BMAL2: variants seen among roughly 807,000 people sequenced by gnomAD.
BMAL2 encodes basic helix-loop-helix ARNT like 2, also known as basic helix-loop-helix ARNT-like protein 2.
chr12:27,380,907 GC>G, the BMAL2 span, among the ~76,000 whole-genome samples: 1 of 151,896 alleles, frequency 6.6e-6, no homozygotes, highest in African/African-American at 2.4e-5. Context: ...GATCGCTTGA[GC>G]CTGGGAGGTG....
At chr12:27,349,188 G>A in the BMAL2 span, among the ~76,000 whole-genome samples, 2 of 152,162 alleles carry the variant, frequency 1.3e-5, no homozygotes, top group Admixed American at 6.5e-5. Context: ...AGGCTGATGG[G>A]GATGCCTCGT....
the BMAL2 span, among the ~76,000 whole-genome samples, chr12:27,406,145 T>G: frequency 6.6e-6 from 1 of 152,112 alleles, no homozygotes; most frequent in Non-Finnish European, 1.5e-5. Flanking sequence ...ACGGGGAGGA[T>G]GGAACCAAGT....
the BMAL2 span, chr12:27,401,460 T>A: frequency 1.6e-5 from 24 of 1,539,562 alleles, no homozygotes; most frequent in Middle Eastern, 1.8e-4. Flanking sequence ...TTTGAATTAA[T>A]CTTCACAACA....
the BMAL2 span, chr12:27,401,725 T>G: frequency 1.5e-6 from 2 of 1,341,412 alleles, no homozygotes; most frequent in African/African-American, 1.5e-5. Flanking sequence ...AATGAGTCTC[T>G]TTGCTTTTCT....
At chr12:27,383,528 C>T in the BMAL2 span, among the ~76,000 whole-genome samples, 4 of 152,154 alleles carry the variant, frequency 2.6e-5, no homozygotes, top group Non-Finnish European at 4.4e-5. Context: ...CATTTTCTCT[C>T]GAGCACATCC....
the BMAL2 span, among the ~76,000 whole-genome samples, chr12:27,358,469 T>C: frequency 6.3e-4 from 96 of 152,302 alleles, 1 homozygote; most frequent in South Asian, 0.019. Context: ...ACAACCACTA[T>C]AGGAAACTGG....
the BMAL2 span, among the ~76,000 whole-genome samples, chr12:27,376,970 C>T: frequency 1.5e-5 from 2 of 132,436 alleles, no homozygotes; most frequent in Admixed American, 8.5e-5. Flanking sequence ...CACTGCACTC[C>T]AGCCTGGGCG....
the BMAL2 span, among the ~76,000 whole-genome samples, chr12:27,420,014 C>T: frequency 4.3e-5 from 5 of 116,120 alleles, no homozygotes; most frequent in Admixed American, 1.0e-4. Flanking sequence ...CCAGGGTTTG[C>T]GCGTGCACAC....
chr12:27,343,912 G>A, the BMAL2 span, among the ~76,000 whole-genome samples: 1 of 152,182 alleles, frequency 6.6e-6, no homozygotes, highest in Non-Finnish European at 1.5e-5. Context: ...GTCATCATGA[G>A]TGTTTCTCCT....
the BMAL2 span, among the ~76,000 whole-genome samples, chr12:27,409,165 C>G: frequency 2.0e-5 from 3 of 152,142 alleles, no homozygotes; most frequent in Non-Finnish European, 4.4e-5. Context: ...AATGGCCATA[C>G]TGCCCAAGGT....
chr12:27,370,186 T>C, the BMAL2 span: 4 of 1,614,078 alleles, frequency 2.5e-6, no homozygotes, highest in Non-Finnish European at 3.4e-6. Context: ...CCCTTACCTA[T>C]CTTCTTTCAA....
chr12:27,389,095 CA>C, the BMAL2 span: 1 of 937,366 alleles, frequency 1.1e-6, no homozygotes, highest in Non-Finnish European at 1.7e-6. Context: ...AATCAAAAAT[CA>C]AAAAAGAACA....
At chr12:27,362,803 TTTGTTG>T in the BMAL2 span, among the ~76,000 whole-genome samples, 5 of 152,116 alleles carry the variant, frequency 3.3e-5, no homozygotes, top group African/African-American at 1.2e-4. Context: ...ATTATCGGTT[TTTGTTG>T]TTGTTGTTGT....
chr12:27,405,565 CAGAA>C, the BMAL2 span, among the ~76,000 whole-genome samples: 1 of 152,228 alleles, frequency 6.6e-6, no homozygotes, highest in African/African-American at 2.4e-5. Flanking sequence ...AACTAACAAA[CAGAA>C]AGGACATCCA....
At chr12:27,392,613 T>G in the BMAL2 span, among the ~76,000 whole-genome samples, 38 of 152,016 alleles carry the variant, frequency 2.5e-4, no homozygotes, top group Non-Finnish European at 5.1e-4. Context: ...TTGGTTCACC[T>G]CTAATTAATC....
the BMAL2 span, among the ~76,000 whole-genome samples, chr12:27,364,336 A>G: frequency 2.0e-5 from 3 of 152,136 alleles, no homozygotes; most frequent in Non-Finnish European, 2.9e-5. Flanking sequence ...CTCAAATCCA[A>G]CTGGATTTGT....
the BMAL2 span, among the ~76,000 whole-genome samples, chr12:27,384,716 A>C: frequency 2.0e-5 from 3 of 152,204 alleles, no homozygotes; most frequent in African/African-American, 7.2e-5. Context: ...GATTAACATC[A>C]ATAATAAACT....
At chr12:27,338,084 T>C in the BMAL2 span, among the ~76,000 whole-genome samples, 1 of 152,218 alleles carries the variant, frequency 6.6e-6, no homozygotes, top group Non-Finnish European at 1.5e-5. Context: ...ATCTCCAATT[T>C]CTTGCACCTA....
At chr12:27,387,731 C>G in the BMAL2 span, among the ~76,000 whole-genome samples, 2 of 152,206 alleles carry the variant, frequency 1.3e-5, no homozygotes. Flanking sequence ...GATCTAATCT[C>G]TGGCAACACT....
Sources: gnomAD v4.1 joint callset for allele counts (sites outside exome capture counted in the v4.1 genomes callset) on GRCh38, gnomAD v4.1.1 for gene constraint, MANE v1.5 for transcripts, NCBI Gene and HGNC (gene_info 2026-07-23, HGNC 2026-07-21) for gene names.